Variants in GRAMD4 observed in about 807,000 individuals in gnomAD.
The protein encoded by GRAMD4 is GRAM domain-containing protein 4.
GRAMD4 carries 25 observed loss-of-function variants against 83.9 expected under a neutral mutation model. The observed-to-expected ratio is 0.30, with a 90% CI of 0.22 to 0.42. GRAMD4 has a LOEUF of 0.42. GRAMD4 is among the 10% of genes least tolerant of loss of function. The pLI, the probability that GRAMD4 is intolerant of heterozygous loss-of-function variation, is 1.00. For missense variants in GRAMD4, 593 were observed against 788.7 expected (o/e 0.75, Z 2.97); for synonymous variants, 336 against 320.9 (o/e 1.05, Z -0.50).
chr22:46,679,294 G>C lies in GRAMD4; in HGVS notation c.*2043G>C. ...TTACCAGCGTCGGGTGGTTTAGTTCGAGTCCCTTTTGTGGAGAAAGGGAGA... is the reference window on the plus strand; with the variant it reads ...TTACCAGCGTCGGGTGGTTTAGTTCCAGTCCCTTTTGTGGAGAAAGGGAGA... On this transcript the variant is annotated 3_prime_UTR_variant, in exon 19 of 19. Coordinates refer to ENST00000406902, the MANE Select transcript of GRAMD4 (RefSeq NM_015124.5). 1.0e-6 allele frequency: 1 copy of C among 985,446 alleles called. No individual in the cohort carries two copies. Among genetic ancestry groups the C allele is most frequent in the Non-Finnish European group, 1.2e-6 (1 of 829,944 alleles). 61.0% of individuals were successfully genotyped at this position (985,446 alleles called of 1,614,324 possible). A position where few individuals can be genotyped will look rare whatever the true frequency, so the allele number is the denominator to read the frequency against.
At chr22:46,613,625 G>A (rs1427412723) in intron 1 of GRAMD4, among the ~76,000 whole-genome samples, 1 of 152,212 alleles carries the variant, frequency 6.6e-6, no homozygotes, top group Non-Finnish European at 1.5e-5. Context: ...AGAGGGCATC[G>A]CTTGGGCAGC....
chr22:46,631,975 C>T (rs1186110417), intron 2 of GRAMD4, among the ~76,000 whole-genome samples: 3 of 151,438 alleles, frequency 2.0e-5, no homozygotes, highest in African/African-American at 2.4e-5. Context: ...TGTGTCCTTT[C>T]GTCTCCTGGG....
intron 3 of GRAMD4, 114 bp downstream of exon 3, chr22:46,638,074 A>T: frequency 8.9e-7 from 1 of 1,123,296 alleles, no homozygotes; most frequent in East Asian, 2.5e-5. Flanking sequence ...CGCAGGCTCC[A>T]TCGCTGGACA....
intron 3 of GRAMD4, among the ~76,000 whole-genome samples, chr22:46,653,819 G>A (rs2147303700): frequency 6.6e-6 from 1 of 152,304 alleles, no homozygotes; most frequent in Non-Finnish European, 1.5e-5. Flanking sequence ...GAAAGTACCT[G>A]AGCCTTCCCG....
At chr22:46,671,399 C>T (rs768771998) in intron 13 of GRAMD4, among the ~76,000 whole-genome samples, 36 of 152,244 alleles carry the variant, frequency 2.4e-4, no homozygotes, top group Admixed American at 7.8e-4. Flanking sequence ...AAAATGTAGC[C>T]GCGTGTGGAG....
At chr22:46,663,886 G>GGC (rs766360379) in intron 7 of GRAMD4, 23 bp downstream of exon 7, 2 of 1,612,612 alleles carry the variant, frequency 1.2e-6, no homozygotes, top group East Asian at 4.5e-5. Flanking sequence ...GGCTCTGCGT[G>GGC]GCGCCCACGA....
At chr22:46,590,790 C>G (rs540331315) in intron 1 of GRAMD4, among the ~76,000 whole-genome samples, 1 of 152,344 alleles carries the variant, frequency 6.6e-6, no homozygotes, top group Admixed American at 6.5e-5. Flanking sequence ...GCCGGGCACA[C>G]TGGCTCATGC....
intron 1 of GRAMD4, among the ~76,000 whole-genome samples, chr22:46,590,603 A>T (rs547584664): frequency 6.6e-6 from 1 of 152,218 alleles, no homozygotes; most frequent in East Asian, 1.9e-4. Context: ...GGGAGGGGAG[A>T]AACCCGGGCT....
At chr22:46,585,258 G>A (rs370831845) in intron 1 of GRAMD4, among the ~76,000 whole-genome samples, 17 of 150,132 alleles carry the variant, frequency 1.1e-4, no homozygotes, top group African/African-American at 4.2e-4. Context: ...TGGCGTGATC[G>A]TGGCTCATTG....
At chr22:46,680,362 A>G (rs1374763928), downstream of GRAMD4, among the ~76,000 whole-genome samples, 1 of 151,906 alleles carries the variant, frequency 6.6e-6, no homozygotes, top group Non-Finnish European at 1.5e-5. Context: ...CCTGTGCCTC[A>G]AGCCCACAGG....
At chr22:46,666,956 G>A in intron 10 of GRAMD4, 83 bp downstream of exon 10, 1 of 1,010,028 alleles carries the variant, frequency 9.9e-7, no homozygotes, top group Non-Finnish European at 1.5e-6. Context: ...GCTCGGGGAA[G>A]CCTCTGGATG....
At chr22:46,636,153 A>G (rs772801693) in intron 2 of GRAMD4, among the ~76,000 whole-genome samples, 9 of 152,186 alleles carry the variant, frequency 5.9e-5, no homozygotes, top group Non-Finnish European at 8.8e-5. Context: ...TCTCCAGCGT[A>G]AGCTGGAGCA....
intron 3 of GRAMD4, among the ~76,000 whole-genome samples, chr22:46,638,601 C>G (rs2081926498): frequency 6.6e-6 from 1 of 152,214 alleles, no homozygotes; most frequent in Non-Finnish European, 1.5e-5. Flanking sequence ...GATGTGGAAA[C>G]TGAGGCACAG....
chr22:46,663,814 C>T (rs1264768761), intron 6 of GRAMD4, 24 bp from the exon 7 acceptor site: 2 of 1,612,496 alleles, frequency 1.2e-6, no homozygotes, highest in East Asian at 2.2e-5. Context: ...ACCCTGGGCT[C>T]CCATCTCTCC....
At chr22:46,673,431 G>A (rs2082543701) in intron 14 of GRAMD4, among the ~76,000 whole-genome samples, 1 of 152,276 alleles carries the variant, frequency 6.6e-6, no homozygotes, top group East Asian at 1.9e-4. Context: ...CGGGGAATGA[G>A]CAGGCCTCGG....
At chr22:46,582,380 T>C (rs534615562) in intron 1 of GRAMD4, among the ~76,000 whole-genome samples, 1 of 152,020 alleles carries the variant, frequency 6.6e-6, no homozygotes, top group East Asian at 1.9e-4. Context: ...TCTTGGTGGG[T>C]TCCCCTGCCG....
At chr22:46,636,738 G>A (rs1377888449) in intron 2 of GRAMD4, among the ~76,000 whole-genome samples, 1 of 152,234 alleles carries the variant, frequency 6.6e-6, no homozygotes, top group Non-Finnish European at 1.5e-5. Context: ...CGACTGTGTG[G>A]CATCCAGTGT....
chr22:46,651,732 G>A (rs1339109219), intron 3 of GRAMD4, among the ~76,000 whole-genome samples: 2 of 152,198 alleles, frequency 1.3e-5, no homozygotes, highest in Admixed American at 6.5e-5. Flanking sequence ...TCCTCCATCC[G>A]TGCTGTTCAC....
chr22:46,647,514 C>T (rs953167057), intron 3 of GRAMD4, among the ~76,000 whole-genome samples: 3 of 152,230 alleles, frequency 2.0e-5, no homozygotes, highest in Admixed American at 2.0e-4. Flanking sequence ...GGGGGGCCTC[C>T]TCCCTGCTGC....
Sources: allele counts gnomAD v4.1 joint callset (sites outside exome capture counted in the v4.1 genomes callset), GRCh38; gene constraint gnomAD v4.1.1; transcripts MANE v1.5; gene names NCBI Gene and HGNC (gene_info 2026-07-23, HGNC 2026-07-21).